The following HDAC4 variants were observed in gnomAD, a reference collection of about 807,000 sequenced individuals.
HDAC4 encodes histone deacetylase 4.
Under a neutral mutation model 135.1 loss-of-function variants are expected in HDAC4, and 16 were observed. The observed-to-expected ratio is 0.12, with a 90% confidence interval of 0.08 to 0.18. The LOEUF (loss-of-function observed/expected upper bound fraction) is 0.18, where lower values mean the gene tolerates loss of function less well. HDAC4 is among the 10% of genes least tolerant of loss of function. The pLI is 1.00. For synonymous variants in HDAC4, 685 were observed against 653.4 expected (o/e 1.05, Z -0.74); for missense variants, 1,143 against 1,511.8 (o/e 0.76, Z 4.05).
chr2:239,088,873 G>A (rs760373724), intron 18 of HDAC4, among the ~76,000 whole-genome samples: 1 of 152,146 alleles, frequency 6.6e-6, no homozygotes, highest in Non-Finnish European at 1.5e-5. Flanking sequence ...GATATTAATG[G>A]TTTCAAAAAT....
At chr2:239,294,407 G>C (rs949890205) in intron 2 of HDAC4, among the ~76,000 whole-genome samples, 1 of 152,136 alleles carries the variant, frequency 6.6e-6, no homozygotes, top group Non-Finnish European at 1.5e-5. Flanking sequence ...AGGGAGTCTG[G>C]AGCCTACCTG....
chr2:239,213,518 G>C (rs913215919), intron 3 of HDAC4, among the ~76,000 whole-genome samples: 3 of 152,176 alleles, frequency 2.0e-5, no homozygotes, highest in African/African-American at 7.2e-5. Flanking sequence ...AATTCACTCG[G>C]GTTCTGGAGG....
intron 5 of HDAC4, among the ~76,000 whole-genome samples, chr2:239,170,499 C>G (rs545415272): frequency 1.3e-5 from 2 of 152,278 alleles, no homozygotes; most frequent in South Asian, 4.1e-4. Context: ...GAAGGCAAAT[C>G]ACCAAACACA....
chr2:239,217,671 T>C (rs950100213), intron 3 of HDAC4, among the ~76,000 whole-genome samples: 1 of 151,776 alleles, frequency 6.6e-6, no homozygotes, highest in Admixed American at 6.6e-5. Flanking sequence ...CAATAAGAAC[T>C]AAAAAGAGAG....
chr2:239,233,637 A>C (rs1211252656), intron 3 of HDAC4, among the ~76,000 whole-genome samples: 1 of 152,214 alleles, frequency 6.6e-6, no homozygotes, highest in East Asian at 1.9e-4. Context: ...TGGAAGTGGG[A>C]ATTTATTAGG....
At chr2:239,132,532 GCA>G (rs1431567428) in intron 11 of HDAC4, among the ~76,000 whole-genome samples, 1 of 152,204 alleles carries the variant, frequency 6.6e-6, no homozygotes, top group African/African-American at 2.4e-5. Flanking sequence ...CCCCCTGGTG[GCA>G]CAGAGCCTGG....
At chr2:239,344,888 G>A (rs761234719) in intron 2 of HDAC4, among the ~76,000 whole-genome samples, 9 of 151,998 alleles carry the variant, frequency 5.9e-5, no homozygotes, top group Non-Finnish European at 5.9e-5. Flanking sequence ...ACTCTCCCAC[G>A]TTCTCGGGGT....
Position 239,141,689 on chromosome 2 carries a change from C to A in HDAC4, c.866-1893G>T, listed in dbSNP as rs114723613. 6.0e-3 allele frequency among the ~76,000 whole-genome samples: 915 copies of A among 152,316 alleles called. 11 individuals are homozygous for A. Among genetic ancestry groups the A allele is most frequent in the African/African-American group, 0.02 (849 of 41,570 alleles). On this transcript the variant is annotated intron_variant, in intron 8 of 26. Coordinates refer to ENST00000543185, the MANE Select transcript of HDAC4 (RefSeq NM_001378414.1). The surrounding 1 kb of genome is among the most constrained non-coding windows in gnomAD (Gnocchi z 4.9). ...ATGTCAAGCTGTCTCCAGCTACACACCAAGATCCAGCAGATCTTCCCTGTA... is the reference window on the plus strand; with the variant it reads ...ATGTCAAGCTGTCTCCAGCTACACAACAAGATCCAGCAGATCTTCCCTGTA...
intron 1 of HDAC4, among the ~76,000 whole-genome samples, chr2:239,376,148 C>T (rs1048517005): frequency 1.3e-5 from 2 of 151,670 alleles, no homozygotes; most frequent in Admixed American, 6.6e-5. Context: ...GCTCACAACC[C>T]TCCACCATCC....
chr2:239,263,285 CTACACATCA>C (rs2049494440), intron 2 of HDAC4, among the ~76,000 whole-genome samples: 1 of 136,822 alleles, frequency 7.3e-6, no homozygotes, highest in South Asian at 2.4e-4. Flanking sequence ...GCCCAGCCCC[CTACACATCA>C]GCTGTCTCGA....
rs1197456195 is a variant in HDAC4, at chr2:239,052,935, G to A, written c.*162C>T. ...TGCATGTGCGTCTCGAGACCTGTGG[G>A]CCTGGGCGGCAGAAAGGCTTCCCGT... is the stretch of plus-strand genomic sequence containing the variant. On this transcript the variant is annotated 3_prime_UTR_variant, in exon 27 of 27. Transcript: ENST00000543185. 2.5e-6 allele frequency: 2 copies of A among 791,830 alleles called. No homozygotes were observed. Among genetic ancestry groups the A allele is most frequent in the East Asian group, 2.6e-5 (1 of 38,976 alleles). 49.1% of individuals were successfully genotyped at this position (791,830 alleles called of 1,614,324 possible).
chr2:239,311,544 G>A (rs906305021), intron 2 of HDAC4, among the ~76,000 whole-genome samples: 8 of 152,080 alleles, frequency 5.3e-5, no homozygotes, highest in Admixed American at 1.3e-4. Flanking sequence ...AACGGCACCC[G>A]CGACTGAGGA....
At chr2:239,252,636 T>G (rs985225671) in intron 2 of HDAC4, among the ~76,000 whole-genome samples, 1 of 152,228 alleles carries the variant, frequency 6.6e-6, no homozygotes, top group African/African-American at 2.4e-5. Flanking sequence ...GAAGATGGTC[T>G]GTGCCCGCCA....
rs186638129 is a variant in HDAC4 at position 239,220,864 on chromosome 2, A to G, written c.94+15729T>C. Among the ~76,000 whole-genome samples the G allele has an allele frequency of 2.2e-3, 328 of 152,308 alleles. 2 individuals carry two copies. The highest frequency in any genetic ancestry group is 3.4e-3 in the Middle Eastern group (1 of 294). On this transcript the variant is annotated intron_variant, in intron 3 of 26. Coordinates refer to ENST00000543185, the MANE Select transcript of HDAC4 (RefSeq NM_001378414.1). ...TATAGATTCACAGGAAGTTGCCAAGAAAGTCCAGAGAGGTTGCAGGTACCC... is the reference window on the plus strand; with the variant it reads ...TATAGATTCACAGGAAGTTGCCAAGGAAGTCCAGAGAGGTTGCAGGTACCC...
intron 1 of HDAC4, among the ~76,000 whole-genome samples, chr2:239,394,116 C>T (rs1696409057): frequency 6.6e-6 from 1 of 152,164 alleles, no homozygotes; most frequent in Non-Finnish European, 1.5e-5. Context: ...GCAATTCCAT[C>T]ACCGCTTGAA....
intron 3 of HDAC4, among the ~76,000 whole-genome samples, chr2:239,218,370 G>A (rs1350235559): frequency 6.6e-6 from 1 of 151,310 alleles, no homozygotes; most frequent in African/African-American, 2.4e-5. Flanking sequence ...AATGGGGAAA[G>A]GATTCCCTAT....
At chr2:239,102,114 C>T (rs1444506091) in intron 16 of HDAC4, among the ~76,000 whole-genome samples, 1 of 147,054 alleles carries the variant, frequency 6.8e-6, no homozygotes, top group East Asian at 2.0e-4. Flanking sequence ...ACGTTCTGTG[C>T]CCTGGAAGCC....
intron 21 of HDAC4, among the ~76,000 whole-genome samples, chr2:239,081,830 C>T (rs893467507): frequency 2.0e-5 from 3 of 152,234 alleles, no homozygotes; most frequent in Admixed American, 6.5e-5. Context: ...GGGCACCACA[C>T]ACCTCCTCCT....
At chr2:239,380,967 A>G (rs1193229656) in intron 1 of HDAC4, among the ~76,000 whole-genome samples, 1 of 152,208 alleles carries the variant, frequency 6.6e-6, no homozygotes, top group African/African-American at 2.4e-5. Context: ...AGGAGCAAAC[A>G]CGGGTTCACG....
Sources: gnomAD v4.1 joint callset for allele counts (sites outside exome capture counted in the v4.1 genomes callset) on GRCh38, gnomAD v4.1.1 for gene constraint, Gnocchi (gnomAD v3.1) non-coding constraint, MANE v1.5 for transcripts, NCBI Gene and HGNC (gene_info 2026-07-23, HGNC 2026-07-21) for gene names.